TSPAN1: variants seen among roughly 807,000 people sequenced by gnomAD.
TSPAN1 encodes the protein tetraspanin-1.
TSPAN1 carries 23 observed loss-of-function variants against 26.9 expected under a neutral mutation model. The observed-to-expected ratio is 0.85, with a 90% CI of 0.62 to 1.21. The LOEUF (loss-of-function observed/expected upper bound fraction) is 1.21. TSPAN1 is among the 50% of genes most tolerant of loss of function. TSPAN1 has a pLI of 0.00. For synonymous variants in TSPAN1, 115 were observed against 114.8 expected (o/e 1.00, Z -0.01); for missense variants, 283 against 298.4 (o/e 0.95, Z 0.38).
At chr1:46,193,269 A>T in the TSPAN1 span, 44 of 1,613,996 alleles carry the variant, frequency 2.7e-5, no homozygotes, top group Non-Finnish European at 3.7e-5. Flanking sequence ...AGGCAGAGCC[A>T]GGTGTCTGCC....
chr1:46,178,200 T>G (rs2148135866), intron 1 of TSPAN1, among the ~76,000 whole-genome samples: 1 of 151,978 alleles, frequency 6.6e-6, no homozygotes, highest in East Asian at 1.9e-4. Flanking sequence ...CTACTAAAAA[T>G]ACAAAAATTA....
downstream of TSPAN1, chr1:46,190,688 T>A (rs1222355611): frequency 6.3e-7 from 1 of 1,589,982 alleles, no homozygotes; most frequent in Non-Finnish European, 8.6e-7. Context: ...ATCTCCTAGA[T>A]ATCCACCCCT....
At chr1:46,194,201 C>G in the TSPAN1 span, 41 of 1,613,136 alleles carry the variant, frequency 2.5e-5, no homozygotes, top group Middle Eastern at 1.7e-4. Flanking sequence ...AAAGCCCAAC[C>G]TAGATCATTC....
downstream of TSPAN1, chr1:46,188,606 C>A (rs901613003): frequency 4.7e-6 from 7 of 1,485,710 alleles, no homozygotes; most frequent in African/African-American, 9.8e-5. Flanking sequence ...GGAAAACTCA[C>A]CATCCAACAC....
the TSPAN1 span, chr1:46,193,830 G>A: frequency 2.5e-6 from 4 of 1,613,496 alleles, no homozygotes; most frequent in Non-Finnish European, 3.4e-6. Flanking sequence ...GTTCAGTGCT[G>A]GGTATAGCCC....
chr1:46,190,280 A>G (rs1208118857), downstream of TSPAN1: 3 of 760,852 alleles, frequency 3.9e-6, no homozygotes, highest in African/African-American at 1.7e-5. Flanking sequence ...TCCTGACCTC[A>G]TGATCCACCC....
intron 1 of TSPAN1, 172 bp downstream of exon 1, chr1:46,175,581 C>A (rs943925530): frequency 1.3e-5 from 5 of 398,838 alleles, no homozygotes; most frequent in African/African-American, 8.2e-5. Context: ...AGCTTCTGGG[C>A]ACTTCTAGAG....
the TSPAN1 span, chr1:46,194,529 C>T: frequency 6.2e-7 from 1 of 1,614,174 alleles, no homozygotes; most frequent in African/African-American, 1.3e-5. Context: ...AGGCCCTGCC[C>T]CATCCATGCT....
the TSPAN1 span, chr1:46,193,365 C>A: frequency 3.1e-6 from 5 of 1,613,154 alleles, no homozygotes; most frequent in Non-Finnish European, 4.2e-6. Context: ...TCAGACCAAA[C>A]AGTGCCACCA....
chr1:46,193,296 A>G, the TSPAN1 span: 2 of 1,613,738 alleles, frequency 1.2e-6, no homozygotes, highest in Non-Finnish European at 8.5e-7. Flanking sequence ...CCACTTGCCT[A>G]TGCAGTACCT....
Position 46,184,950 on chromosome 1 carries a change from T to C in TSPAN1, c.439-10T>C, listed in dbSNP as rs747784296. 1 of 1,614,098 alleles carries C rather than the reference T, an allele frequency of 6.2e-7. No individual in the cohort carries two copies. The highest frequency in any genetic ancestry group is 8.5e-7 in the Non-Finnish European group (1 of 1,180,044). ...GCAAGGCCCCACCTCCACCCTCATC[T>C]TGTCTCCAGCTCAAGTGCTGTGGCT... On this transcript the variant is annotated splice_polypyrimidine_tract_variant and intron_variant, in intron 6 of 8. Transcript: ENST00000372003.
Position 46,184,644 on chromosome 1 carries a change from G to C in TSPAN1, c.315G>C (p.Val105=), listed in dbSNP as rs1657387913. ...TCATTGCTGAGGTTGCAGCTGCTGT[G>C]GTCGCCTTGGTGTACACCACAATGG... ...LIFIAEVAAA[V]VALVYTTMAE... The change falls in exon 5 of 9, where the codon GTG becomes GTC. Residue 105 remains valine, a synonymous_variant. Coordinates refer to ENST00000372003, the MANE Select transcript of TSPAN1 (RefSeq NM_005727.4). The C allele has an allele frequency of 3.7e-6, 6 of 1,613,994 alleles. No individual in the cohort carries two copies. Among genetic ancestry groups the C allele is most frequent in the South Asian group, 1.1e-5 (1 of 91,086 alleles).
chr1:46,195,942 T>A, the TSPAN1 span: 1 of 1,614,142 alleles, frequency 6.2e-7, no homozygotes, highest in Non-Finnish European at 8.5e-7. Context: ...GGGATATACT[T>A]CTGGTGAGTT....
intron 1 of TSPAN1, among the ~76,000 whole-genome samples, chr1:46,179,249 G>A (rs1657254915): frequency 6.6e-6 from 1 of 151,612 alleles, no homozygotes; most frequent in Admixed American, 6.6e-5. Flanking sequence ...GGAGGTCAAG[G>A]CTGCAGTGAG....
downstream of TSPAN1, chr1:46,188,542 C>T (rs1310044675): frequency 9.6e-6 from 11 of 1,148,170 alleles, no homozygotes; most frequent in African/African-American, 1.6e-5. Context: ...ACTCAGGCAT[C>T]CCCTGGTGGC....
At chr1:46,194,542 A>G in the TSPAN1 span, 1 of 1,613,880 alleles carries the variant, frequency 6.2e-7, no homozygotes, top group East Asian at 2.2e-5. Flanking sequence ...TCCATGCTCC[A>G]CTAACTCCAC....
chr1:46,194,693 C>A, the TSPAN1 span: 84 of 1,614,244 alleles, frequency 5.2e-5, no homozygotes, highest in African/African-American at 1.0e-3. Context: ...GCCCAGACAC[C>A]AGTTTGGGGG....
chr1:46,185,196 A>G, intron 7 of TSPAN1, 29 bp from the exon 8 acceptor site: 3 of 1,614,164 alleles, frequency 1.9e-6, no homozygotes, highest in Non-Finnish European at 2.5e-6. Flanking sequence ...GCAGCTGCCA[A>G]CTATAAATGC....
At chr1:46,175,753 T>A in intron 1 of TSPAN1, 1 of 403,790 alleles carries the variant, frequency 2.5e-6, no homozygotes, top group Non-Finnish European at 4.4e-6. Flanking sequence ...ATTAAGGCTG[T>A]CAGCACTTTG....
Sources: gnomAD v4.1 joint callset for allele counts (sites outside exome capture counted in the v4.1 genomes callset) on GRCh38, gnomAD v4.1.1 for gene constraint, MANE v1.5 for transcripts, NCBI Gene and HGNC (gene_info 2026-07-23, HGNC 2026-07-21) for gene names.